LRGUK: variants seen among roughly 807,000 people sequenced by gnomAD.
LRGUK encodes leucine-rich repeat and guanylate kinase domain-containing protein.
In LRGUK, 65 loss-of-function variants were observed where a neutral mutation model predicts 76.0. The observed-to-expected ratio is 0.85, with a 90% CI of 0.70 to 1.05. The LOEUF (loss-of-function observed/expected upper bound fraction) is 1.05. Ranked by LOEUF, LRGUK falls within the 50% of genes least tolerant of loss-of-function variation. LRGUK has a pLI of 0.00. For synonymous variants in LRGUK, 268 were observed against 265.6 expected, an observed-to-expected ratio of 1.01 and a Z score of -0.09; for missense variants, 758 against 732.8, an observed-to-expected ratio of 1.03 and a Z score of -0.40.
intron 14 of LRGUK, among the ~76,000 whole-genome samples, chr7:134,201,093 T>C (rs1169513144): frequency 6.6e-6 from 1 of 152,146 alleles, no homozygotes; most frequent in African/African-American, 2.4e-5. Flanking sequence ...GTGATCTGAG[T>C]CTCTGACTTC....
At chr7:134,170,338 T>C (rs1206110341) in intron 7 of LRGUK, among the ~76,000 whole-genome samples, 1 of 152,094 alleles carries the variant, frequency 6.6e-6, no homozygotes, top group East Asian at 1.9e-4. Flanking sequence ...CTGAAATCTG[T>C]TAGGTGTTCA....
intron 14 of LRGUK, among the ~76,000 whole-genome samples, chr7:134,200,544 A>C (rs1256326175): frequency 6.6e-6 from 1 of 152,060 alleles, no homozygotes; most frequent in East Asian, 1.9e-4. Context: ...CAGAATCCTC[A>C]AAAAAACTAA....
intron 7 of LRGUK, among the ~76,000 whole-genome samples, chr7:134,167,451 A>G (rs1799041506): frequency 6.6e-6 from 1 of 152,214 alleles, no homozygotes. Context: ...TGATGGGGTC[A>G]GCAGGGATAG....
In LRGUK at chr7:134,225,000, G is replaced by A. The variant is rs187750935; in HGVS notation, c.1983+3082G>A. Among the ~76,000 whole-genome samples, 1,011 of 151,530 alleles carry A rather than the reference G, an allele frequency of 6.7e-3. 12 individuals are homozygous for A. Among genetic ancestry groups the A allele is most frequent in the African/African-American group, 0.018 (739 of 41,288 alleles). ...CAGGGAGGCAGAGGTTGCAGTGAGC[G>A]GAGATCTCGCCACTGCACTCCAGCC... On this transcript the variant is annotated intron_variant, in intron 16 of 19. Coordinates refer to the LRGUK transcript ENST00000285928.
At chr7:134,169,801 G>C (rs998044807) in intron 7 of LRGUK, among the ~76,000 whole-genome samples, 1 of 151,972 alleles carries the variant, frequency 6.6e-6, no homozygotes, top group Non-Finnish European at 1.5e-5. Flanking sequence ...TGAAATTTAT[G>C]TTTAAAATTT....
chr7:134,228,932 C>T (rs1452742952), intron 16 of LRGUK, among the ~76,000 whole-genome samples: 1 of 151,914 alleles, frequency 6.6e-6, no homozygotes. Context: ...GAGGTCATAG[C>T]CAGTGCAATA....
chr7:134,152,316 A>G (rs1477359734), intron 5 of LRGUK, among the ~76,000 whole-genome samples: 3 of 152,056 alleles, frequency 2.0e-5, no homozygotes, highest in African/African-American at 7.2e-5. Flanking sequence ...TTAAAGATGA[A>G]TAAGACTTGT....
exon 4 of LRGUK, chr7:134,143,119 A>C (rs558716746): frequency 8.7e-6 from 14 of 1,610,824 alleles, no homozygotes; most frequent in Non-Finnish European, 1.2e-5. Context: ...TCTCAAAATA[A>C]TTTGACTACG....
intron 2 of LRGUK, 132 bp downstream of exon 2, chr7:134,137,262 CAA>C (rs571411088): frequency 3.7e-5 from 24 of 654,852 alleles, no homozygotes; most frequent in South Asian, 3.2e-4. Flanking sequence ...AGACTGGTGA[CAA>C]GAGATATTTC....
At chr7:134,177,324 G>A (rs1018147829) in intron 9 of LRGUK, among the ~76,000 whole-genome samples, 2 of 152,196 alleles carry the variant, frequency 1.3e-5, no homozygotes, top group Non-Finnish European at 2.9e-5. Flanking sequence ...AACAGAAGCA[G>A]CACTCCACTT....
At chr7:134,266,836 A>G (rs1802865176), downstream of LRGUK, among the ~76,000 whole-genome samples, 1 of 152,232 alleles carries the variant, frequency 6.6e-6, no homozygotes, top group African/African-American at 2.4e-5. Context: ...AAAGAAATTC[A>G]CAAGACACAT....
intron 11 of LRGUK, among the ~76,000 whole-genome samples, chr7:134,188,365 AG>A (rs1800059597): frequency 6.6e-6 from 1 of 152,164 alleles, no homozygotes; most frequent in Non-Finnish European, 1.5e-5. Context: ...AAGGACAGAC[AG>A]GGGTCCGGTC....
chr7:134,223,204 C>A (rs147541667), intron 16 of LRGUK, among the ~76,000 whole-genome samples: 2 of 152,302 alleles, frequency 1.3e-5, no homozygotes, highest in East Asian at 3.9e-4. Context: ...TACTCTCATG[C>A]GCCATCCAGC....
intron 11 of LRGUK, among the ~76,000 whole-genome samples, chr7:134,185,945 A>C (rs1799964140): frequency 6.6e-6 from 1 of 152,232 alleles, no homozygotes; most frequent in African/African-American, 2.4e-5. Flanking sequence ...AAAAATATAG[A>C]GTACATTATG....
downstream of LRGUK, among the ~76,000 whole-genome samples, chr7:134,212,270 CTA>C (rs1801303389): frequency 6.6e-6 from 1 of 152,224 alleles, no homozygotes; most frequent in Admixed American, 6.5e-5. Flanking sequence ...TGTATGGACA[CTA>C]TACTCCACCC....
At chr7:134,247,556 G>C (rs747030323) in exon 17 of LRGUK, 1 of 1,609,656 alleles carries the variant, frequency 6.2e-7, no homozygotes, top group South Asian at 1.1e-5. Context: ...TCTTACCTAG[G>C]AAAGAGATTC....
intron 18 of LRGUK, among the ~76,000 whole-genome samples, chr7:134,255,257 A>G (rs1264471659): frequency 6.6e-6 from 1 of 150,580 alleles, no homozygotes; most frequent in African/African-American, 2.5e-5. Flanking sequence ...ACACACACAC[A>G]CACACACAAA....
intron 16 of LRGUK, among the ~76,000 whole-genome samples, chr7:134,228,858 T>C (rs1302211907): frequency 2.0e-5 from 3 of 152,142 alleles, no homozygotes; most frequent in African/African-American, 7.2e-5. Context: ...TTAGGAAATG[T>C]ATTACTTTTA....
At chr7:134,232,534 TC>T (rs571549252) in intron 16 of LRGUK, among the ~76,000 whole-genome samples, 239 of 152,278 alleles carry the variant, frequency 1.6e-3, no homozygotes, top group Non-Finnish European at 2.5e-3. Context: ...CACCTTGGCC[TC>T]CCAAAGTGCT....
Sources: gnomAD v4.1 joint callset for allele counts (sites outside exome capture counted in the v4.1 genomes callset) on GRCh38, gnomAD v4.1.1 for gene constraint, MANE v1.5 for transcripts, NCBI Gene and HGNC (gene_info 2026-07-23, HGNC 2026-07-21) for gene names.